The following DGKB variants were observed in gnomAD, a reference collection of about 807,000 sequenced individuals.
The protein encoded by DGKB is 90 kDa diacylglycerol kinase.
DGKB carries 67 observed loss-of-function variants against 114.3 expected under a neutral mutation model. That is an observed-to-expected ratio of 0.59 (90% CI 0.48 to 0.72). The LOEUF is 0.72. Among genes scored for constraint, DGKB ranks in the 30% least tolerant of loss-of-function variants. The pLI, the probability that DGKB is intolerant of heterozygous loss-of-function variation, is 0.00. For missense variants in DGKB, 907 were observed against 975.2 expected, an observed-to-expected ratio of 0.93 and a Z score of 0.93; for synonymous variants, 398 against 323.1, an observed-to-expected ratio of 1.23 and a Z score of -2.49.
chr7:14,918,041 C>T (rs1438968153), intron 1 of DGKB, among the ~76,000 whole-genome samples: 1 of 151,908 alleles, frequency 6.6e-6, no homozygotes, highest in Admixed American at 6.6e-5. Context: ...AAAGCATTTG[C>T]CAAAATTCAA....
chr7:14,690,364 T>C lies in DGKB; in HGVS notation c.711+3711A>G, dbSNP rs142148169. 1.7e-3 allele frequency among the ~76,000 whole-genome samples: 264 copies of C among 152,360 alleles called. 1 individual carries two copies. The highest frequency in any genetic ancestry group is 5.7e-3 in the African/African-American group (239 of 41,594). ...AAGGTCTGTTATCTGATCAATTTGA[T>C]GACGTTCACTGCTCCTATGCTTTCT... On this transcript the variant is annotated intron_variant, in intron 9 of 25. Coordinates refer to ENST00000402815, the MANE Select transcript of DGKB (RefSeq NM_001350709.2).
intron 21 of DGKB, among the ~76,000 whole-genome samples, chr7:14,433,480 A>G (rs981631961): frequency 1.3e-5 from 2 of 152,068 alleles, no homozygotes; most frequent in African/African-American, 2.4e-5. Context: ...TATTTTCTCT[A>G]TAGGCAAAAA....
chr7:14,768,921 G>C (rs777798767), intron 2 of DGKB, among the ~76,000 whole-genome samples: 9 of 151,726 alleles, frequency 5.9e-5, no homozygotes, highest in Non-Finnish European at 1.3e-4. Flanking sequence ...GTCATAATTT[G>C]CTATCAAATT....
chr7:14,476,906 C>G (rs1027017251), intron 21 of DGKB, among the ~76,000 whole-genome samples: 1 of 151,910 alleles, frequency 6.6e-6, no homozygotes, highest in Non-Finnish European at 1.5e-5. Context: ...AGGCACCCAC[C>G]ACCACGCCCT....
At chr7:14,418,633 T>G (rs1826170938) in intron 21 of DGKB, among the ~76,000 whole-genome samples, 4 of 151,756 alleles carry the variant, frequency 2.6e-5, no homozygotes, top group Admixed American at 1.3e-4. Flanking sequence ...GATGCAAACA[T>G]AAATAACAAA....
intron 20 of DGKB, among the ~76,000 whole-genome samples, chr7:14,553,366 A>G (rs986196415): frequency 6.6e-6 from 1 of 152,206 alleles, no homozygotes; most frequent in Non-Finnish European, 1.5e-5. Flanking sequence ...CTCCAATACT[A>G]ATTCCGTTTA....
intron 2 of DGKB, among the ~76,000 whole-genome samples, chr7:14,826,143 C>T (rs1393752855): frequency 6.6e-6 from 1 of 152,124 alleles, no homozygotes; most frequent in Non-Finnish European, 1.5e-5. Flanking sequence ...CCTACTCAAA[C>T]AACTTGGCTG....
chr7:14,296,760 GTT>G (rs56367420), intron 23 of DGKB, among the ~76,000 whole-genome samples: 45,173 of 100,910 alleles, frequency 0.45, 10,237 homozygotes, highest in East Asian at 0.74. Context: ...TCCAGGGACT[GTT>G]TTTTTTTTTT....
chr7:14,678,344 C>A (rs2128960517), intron 12 of DGKB, among the ~76,000 whole-genome samples: 1 of 152,124 alleles, frequency 6.6e-6, no homozygotes, highest in Middle Eastern at 3.4e-3. Context: ...AGAAACTATT[C>A]AGAATCAAGA....
rs529898743 is a variant in DGKB at position 14,908,776 on chromosome 7, T to C, written c.-188+65920A>G. ...AGAGTGGAAAAATTTGTAACAGTAATGATAGCCTCATGCAGTATGCATCAA... is the reference window on the plus strand; with the variant it reads ...AGAGTGGAAAAATTTGTAACAGTAACGATAGCCTCATGCAGTATGCATCAA... On this transcript the variant is annotated intron_variant, in intron 1 of 4. Coordinates refer to the DGKB transcript ENST00000437998. 3.9e-5 allele frequency among the ~76,000 whole-genome samples: 6 copies of C among 152,260 alleles called. No individual in the cohort carries two copies. The South Asian group carries it at 1.2e-3, about 32-fold the overall frequency.
chr7:14,322,904 T>C (rs1045747357), intron 23 of DGKB, among the ~76,000 whole-genome samples: 2 of 152,166 alleles, frequency 1.3e-5, no homozygotes, highest in African/African-American at 4.8e-5. Flanking sequence ...AAAAGACTCA[T>C]CATTCAAAGT....
At chr7:14,966,337 T>C (rs1340456605) in intron 1 of DGKB, among the ~76,000 whole-genome samples, 1 of 152,126 alleles carries the variant, frequency 6.6e-6, no homozygotes, top group African/African-American at 2.4e-5. Context: ...TTTTTAATGA[T>C]TCAAGCTGGT....
chr7:14,313,741 A>G (rs941708040), intron 23 of DGKB, among the ~76,000 whole-genome samples: 1 of 152,164 alleles, frequency 6.6e-6, no homozygotes, highest in Non-Finnish European at 1.5e-5. Context: ...GCTTAGGTAA[A>G]CAAAGCAGCC....
intron 21 of DGKB, among the ~76,000 whole-genome samples, chr7:14,358,359 C>T (rs1483615823): frequency 3.3e-5 from 5 of 152,162 alleles, no homozygotes; most frequent in Admixed American, 1.3e-4. Context: ...CACCGATACC[C>T]TTTCTTCCAC....
chr7:14,482,633 T>C (rs1438027615), intron 20 of DGKB, among the ~76,000 whole-genome samples: 5 of 152,074 alleles, frequency 3.3e-5, no homozygotes, highest in African/African-American at 9.7e-5. Context: ...TAAGAAACTA[T>C]AAAAATCTGG....
Position 14,231,132 on chromosome 7 carries a change from TTTC to T in DGKB, c.2123-52984_2123-52982del, listed in dbSNP as rs1356633028. On this transcript the variant is annotated intron_variant, in intron 23 of 25. Coordinates refer to ENST00000402815, the MANE Select transcript of DGKB (RefSeq NM_001350709.2). ...CTTTCTTTCTTTCTTTCTTTCTTTC[TTTC>T]TTTCTTTCTTTTTCTTTCTTTCTCT... Among the ~76,000 whole-genome samples the T allele has an allele frequency of 4.7e-3, 638 of 135,066 alleles. 4 individuals are homozygous for T. Among genetic ancestry groups the T allele is most frequent in the Middle Eastern group, 0.011 (3 of 262 alleles). 88.6% of individuals were successfully genotyped at this position (135,066 alleles called of 152,430 possible). A position where few individuals can be genotyped will look rare whatever the true frequency, so the allele number is the denominator to read the frequency against.
intron 4 of DGKB, among the ~76,000 whole-genome samples, chr7:14,738,799 C>T (rs1832119303): frequency 6.6e-6 from 1 of 152,160 alleles, no homozygotes; most frequent in South Asian, 2.1e-4. Flanking sequence ...TAGTAAAGGA[C>T]TAGAAATTGG....
chr7:14,789,501 C>G (rs879545942), intron 2 of DGKB, among the ~76,000 whole-genome samples: 11 of 152,104 alleles, frequency 7.2e-5, no homozygotes, highest in Admixed American at 7.2e-4. Flanking sequence ...CAGTTGAAGA[C>G]TATCTGGGTT....
chr7:14,510,326 T>C (rs945102323), intron 20 of DGKB, among the ~76,000 whole-genome samples: 5 of 152,204 alleles, frequency 3.3e-5, no homozygotes, highest in African/African-American at 1.2e-4. Context: ...AACTAAGTTT[T>C]CGTAATAGTC....
Sources: allele counts gnomAD v4.1 joint callset (sites outside exome capture counted in the v4.1 genomes callset), GRCh38; gene constraint gnomAD v4.1.1; transcripts MANE v1.5; gene names NCBI Gene and HGNC (gene_info 2026-07-23, HGNC 2026-07-21).